The following SMIM35 variants were observed in gnomAD, a reference collection of about 807,000 sequenced individuals.
The protein encoded by SMIM35 is TMPRSS4 antisense RNA 1 (non-protein coding).
intron 1 of SMIM35, among the ~76,000 whole-genome samples, chr11:118,044,896 A>G (rs998646488): frequency 1.8e-4 from 27 of 152,152 alleles, no homozygotes; most frequent in Non-Finnish European, 2.2e-4. Flanking sequence ...TCTAGCTTTT[A>G]GATTATACTG....
chr11:118,011,951 A>C, intron 4 of SMIM35, among the ~76,000 whole-genome samples: 1 of 152,222 alleles, frequency 6.6e-6, no homozygotes, highest in South Asian at 2.1e-4. Context: ...AAGCCTGGCT[A>C]TGCTGGGAGA....
At chr11:118,050,039 A>G (rs1195304923) in intron 1 of SMIM35, among the ~76,000 whole-genome samples, 2 of 152,150 alleles carry the variant, frequency 1.3e-5, no homozygotes, top group Non-Finnish European at 1.5e-5. Context: ...GGGTCTTTGA[A>G]GTCTCTCAGT....
intron 1 of SMIM35, among the ~76,000 whole-genome samples, chr11:118,024,009 C>G (rs1049497808): frequency 7.0e-6 from 1 of 141,932 alleles, no homozygotes; most frequent in Non-Finnish European, 1.5e-5. Context: ...AGTGAGATGC[C>G]TTCTCCAAAA....
intron 1 of SMIM35, among the ~76,000 whole-genome samples, chr11:118,069,409 C>G (rs1944536319): frequency 6.6e-6 from 1 of 152,192 alleles, no homozygotes; most frequent in East Asian, 1.9e-4. Flanking sequence ...GCCTCGCCCC[C>G]ACACTACTGC....
In SMIM35 at chr11:118,048,946, C is replaced by CAAAAAAAAAAAAAAAAAAAAAAA. The variant is rs57261529; in HGVS notation, c.8-33138_8-33137insTTTTTTTTTTTTTTTTTTTTTTT. Among the ~76,000 whole-genome samples, 66 of 60,466 alleles carry CAAAAAAAAAAAAAAAAAAAAAAA rather than the reference C, an allele frequency of 1.1e-3. 5 individuals carry two copies. Among genetic ancestry groups the CAAAAAAAAAAAAAAAAAAAAAAA allele is most frequent in the Non-Finnish European group, 1.3e-3 (44 of 32,820 alleles). The allele number at this position is 60,466 out of a possible 152,430, so 39.7% of individuals were successfully genotyped here. A position where few individuals can be genotyped will look rare whatever the true frequency, so the allele number is the denominator to read the frequency against. ...GCCTATCGCCTAGGCTGAAGAGCTG[C>CAAAAAAAAAAAAAAAAAAAAAAA]AAAAAAAAAAAAAAAAAAGCAAGTG... On this transcript the variant is annotated intron_variant, in intron 1 of 4. Transcript: ENST00000689828.
intron 1 of SMIM35, among the ~76,000 whole-genome samples, chr11:118,058,708 G>A (rs1363475339): frequency 2.0e-5 from 3 of 152,164 alleles, no homozygotes; most frequent in African/African-American, 7.2e-5. Flanking sequence ...CGAGGGCTGC[G>A]GCGCAGAGCA....
chr11:118,070,658 G>A (rs1028021744), intron 1 of SMIM35, among the ~76,000 whole-genome samples: 1 of 152,164 alleles, frequency 6.6e-6, no homozygotes, highest in Non-Finnish European at 1.5e-5. Context: ...AAAAGAAACG[G>A]GATGGACTCA....
chr11:118,075,534 A>G (rs1944656994), intron 1 of SMIM35, among the ~76,000 whole-genome samples: 1 of 152,248 alleles, frequency 6.6e-6, no homozygotes, highest in Non-Finnish European at 1.5e-5. Flanking sequence ...AGTGTGAACC[A>G]GTAAGAGAAC....
chr11:118,047,529 A>T (rs1007341805), intron 1 of SMIM35, among the ~76,000 whole-genome samples: 12 of 152,306 alleles, frequency 7.9e-5, no homozygotes, highest in African/African-American at 2.9e-4. Flanking sequence ...CCAAGATGTC[A>T]TCTAGGAGCA....
At chr11:118,064,131 C>G (rs1171569712) in intron 1 of SMIM35, among the ~76,000 whole-genome samples, 1 of 152,210 alleles carries the variant, frequency 6.6e-6, no homozygotes, top group Non-Finnish European at 1.5e-5. Flanking sequence ...CAGCCAGTGT[C>G]TGCTGCAGAA....
intron 1 of SMIM35, among the ~76,000 whole-genome samples, chr11:118,073,824 G>A (rs74329036): frequency 0.02 from 3,099 of 152,348 alleles, 120 homozygotes; most frequent in African/African-American, 0.071. Flanking sequence ...GGGTGGAGGA[G>A]GGTTAAATAA....
At chr11:118,086,631 C>T (rs1159722321) in intron 1 of SMIM35, 120 bp downstream of exon 1, 1 of 152,812 alleles carries the variant, frequency 6.5e-6, no homozygotes, top group Non-Finnish European at 1.5e-5. Flanking sequence ...CATGATCAGT[C>T]ATCTCTGAGG....
At chr11:118,073,981 C>T (rs377476979) in intron 1 of SMIM35, among the ~76,000 whole-genome samples, 15 of 152,220 alleles carry the variant, frequency 9.9e-5, no homozygotes, top group African/African-American at 3.1e-4. Flanking sequence ...CTCAGCTGGA[C>T]GAGACCTGTT....
At chr11:118,079,061 G>A (rs1424203847) in intron 1 of SMIM35, among the ~76,000 whole-genome samples, 2 of 152,244 alleles carry the variant, frequency 1.3e-5, no homozygotes, top group East Asian at 3.9e-4. Context: ...AGGAGCGGGG[G>A]AGGGCAGGTG....
intron 1 of SMIM35, among the ~76,000 whole-genome samples, chr11:118,082,638 A>C (rs1945233628): frequency 6.6e-6 from 1 of 152,224 alleles, no homozygotes; most frequent in African/African-American, 2.4e-5. Context: ...CCAAGGGCAA[A>C]GGGAAAACCA....
At chr11:118,032,314 G>A (rs931880398) in intron 1 of SMIM35, among the ~76,000 whole-genome samples, 1 of 152,170 alleles carries the variant, frequency 6.6e-6, no homozygotes, top group Non-Finnish European at 1.5e-5. Flanking sequence ...TGATCACTGT[G>A]TCATGGTTAT....
chr11:118,026,905 A>G (rs2058278709), intron 1 of SMIM35, among the ~76,000 whole-genome samples: 2 of 152,206 alleles, frequency 1.3e-5, no homozygotes, highest in African/African-American at 4.8e-5. Flanking sequence ...CAAATTTAAG[A>G]AAAGGTCAAT....
At chr11:118,073,921 G>GT (rs529849648) in intron 1 of SMIM35, among the ~76,000 whole-genome samples, 1 of 152,206 alleles carries the variant, frequency 6.6e-6, no homozygotes, top group Non-Finnish European at 1.5e-5. Flanking sequence ...AAACAACAAA[G>GT]TTTTTTAAAG....
At chr11:118,045,380 G>T (rs1463914452) in intron 1 of SMIM35, among the ~76,000 whole-genome samples, 1 of 147,602 alleles carries the variant, frequency 6.8e-6, no homozygotes, top group Non-Finnish European at 1.5e-5. Context: ...GAGAAAGGCT[G>T]TCACCAAGTT....
Sources: allele counts gnomAD v4.1 joint callset (sites outside exome capture counted in the v4.1 genomes callset), GRCh38; gene constraint gnomAD v4.1.1; transcripts MANE v1.5; gene names NCBI Gene and HGNC (gene_info 2026-07-23, HGNC 2026-07-21).